LAMC3: variants seen among roughly 807,000 people sequenced by gnomAD.
The protein encoded by LAMC3 is laminin subunit gamma 3, also known as laminin subunit gamma-3.
Under a neutral mutation model 173.8 loss-of-function variants are expected in LAMC3, and 128 were observed. That is an observed-to-expected ratio of 0.74 (90% CI 0.64 to 0.85). The LOEUF (loss-of-function observed/expected upper bound fraction) is 0.85, where lower values mean the gene tolerates loss of function less well. LAMC3 is among the 40% of genes least tolerant of loss of function. LAMC3 has a pLI of 0.00. For synonymous variants in LAMC3, 897 were observed against 909.1 expected (o/e 0.99, Z 0.24); for missense variants, 2,022 against 2,156.0 (o/e 0.94, Z 1.23).
intron 3 of LAMC3, among the ~76,000 whole-genome samples, chr9:131,033,714 G>A (rs1483590232): frequency 9.9e-5 from 15 of 152,162 alleles, no homozygotes; most frequent in Admixed American, 8.5e-4. Context: ...GGCGGGAGGC[G>A]GCAGCTTGGA....
chr9:131,068,695 A>G (rs1013346237), intron 15 of LAMC3, among the ~76,000 whole-genome samples: 11 of 152,096 alleles, frequency 7.2e-5, no homozygotes, highest in African/African-American at 2.7e-4. Flanking sequence ...GTTTGTCCCC[A>G]TAGCCTTATT....
rs780155628 is a variant in LAMC3 at position 131,087,503 on chromosome 9, A to C, written c.4258A>C (p.Lys1420Gln). ...KLAKALLRER[K>Q]QAHRRASRLT... ...TGCCAAGGCCTTGCTGAGGGAGCGG[A>C]AACAGGCGCACCGCCGTGCCAGCAG... The change falls in exon 26 of 28, where the codon AAA becomes CAA. Residue 1420 changes from lysine (K) to glutamine (Q), a missense_variant. Transcript: ENST00000361069. 13 of 1,613,828 alleles carry C rather than the reference A, an allele frequency of 8.1e-6. No homozygotes were observed. In the Admixed American group the frequency reaches 2.2e-4, roughly 27 times the overall value.
At chr9:131,059,971 G>A (rs1377474148) in intron 12 of LAMC3, among the ~76,000 whole-genome samples, 1 of 152,150 alleles carries the variant, frequency 6.6e-6, no homozygotes, top group Non-Finnish European at 1.5e-5. Flanking sequence ...TGGAAGTGGT[G>A]GTCTTGGTTA....
chr9:131,032,175 G>A lies in LAMC3; in HGVS notation c.809G>A (p.Arg270Lys). Residue 270 changes from arginine to lysine, a missense_variant and splice_region_variant, in exon 3 of 28, where the codon AGG becomes AAG. Physicochemically the swap from Arg to Lys is conservative, Grantham distance 26. Coordinates refer to ENST00000361069, the MANE Select transcript of LAMC3 (RefSeq NM_006059.4). ...GTGTCCGACTTCTCTGTGGGCGGCA[G>A]GTAGGAGGGAGGAGGGAGGCAGGGT... is the stretch of plus-strand genomic sequence containing the variant. ...YAVSDFSVGG[R>K]CKCNGHASEC... is the part of the protein sequence containing the mutation. The A allele has an allele frequency of 6.2e-7, 1 of 1,606,440 alleles. No homozygotes were observed. Among genetic ancestry groups the A allele is most frequent in the Non-Finnish European group, 8.5e-7 (1 of 1,175,790 alleles).
chr9:131,070,473 G>T (rs1189961943), intron 17 of LAMC3, among the ~76,000 whole-genome samples: 1 of 152,240 alleles, frequency 6.6e-6, no homozygotes, highest in East Asian at 1.9e-4. Flanking sequence ...AGCACTTTGG[G>T]AGGCTGAGGC....
Position 131,077,339 on chromosome 9 carries a change from G to T in LAMC3, c.3777+5G>T, listed in dbSNP as rs772367233. The T allele has an allele frequency of 1.2e-6, 2 of 1,613,550 alleles. No individual in the cohort carries two copies. Among genetic ancestry groups the T allele is most frequent in the Non-Finnish European group, 1.7e-6 (2 of 1,180,008 alleles). On this transcript the variant is annotated splice_donor_5th_base_variant and intron_variant, in intron 22 of 27. Transcript: ENST00000361069. ...CTGGCTTCCCCGGGAGCTCTGGTCA[G>T]CTCAGTTGTCTCAGAGCTCCGTGTG...
intron 9 of LAMC3, 29 bp downstream of exon 9, chr9:131,049,159 C>T (rs771179342): frequency 2.4e-4 from 311 of 1,321,940 alleles, no homozygotes; most frequent in Non-Finnish European, 3.2e-4. Flanking sequence ...GGGGGCTGGC[C>T]GCCCTGTGTC....
At chr9:131,038,420 A>G (rs1205375132) in intron 4 of LAMC3, among the ~76,000 whole-genome samples, 1 of 152,190 alleles carries the variant, frequency 6.6e-6, no homozygotes, top group Non-Finnish European at 1.5e-5. Flanking sequence ...AAATGATTTA[A>G]TGGGGGAAAT....
At chr9:131,036,421 C>A in intron 4 of LAMC3, 89 bp downstream of exon 4, 1 of 1,492,584 alleles carries the variant, frequency 6.7e-7, no homozygotes, top group Non-Finnish European at 9.2e-7. Flanking sequence ...GTGGTGGGGG[C>A]TGCTCCTGGG....
chr9:131,038,939 G>A lies in LAMC3; in HGVS notation c.1052G>A (p.Arg351His), dbSNP rs1294337624. The A allele has an allele frequency of 5.0e-6, 8 of 1,612,772 alleles. No homozygotes were observed. The highest frequency in any genetic ancestry group is 2.2e-5 in the East Asian group (1 of 44,890). The change falls in exon 5 of 28, where the codon CGC (arginine) becomes CAC (histidine). Residue 351 changes from arginine (R) to histidine (H), a missense_variant. Coordinates refer to ENST00000361069, the MANE Select transcript of LAMC3 (RefSeq NM_006059.4). ...ELFRSTGHGGRCHHCRDHTAG... is the reference protein window; with the variant it reads ...ELFRSTGHGGHCHHCRDHTAG... The stretch of plus-strand genomic sequence containing the variant: ...TTCCGCAGCACAGGCCACGGCGGGC[G>A]CTGTCACCACTGCCGTGACCACACA...
intron 1 of LAMC3, among the ~76,000 whole-genome samples, chr9:131,012,062 T>C (rs5900911): frequency 0.018 from 2,536 of 138,406 alleles, 53 homozygotes; most frequent in African/African-American, 0.051. Context: ...CACACACACA[T>C]ACACACACAC....
At chr9:131,012,922 G>C (rs902674529) in intron 1 of LAMC3, among the ~76,000 whole-genome samples, 36 of 152,366 alleles carry the variant, frequency 2.4e-4, no homozygotes, top group African/African-American at 8.4e-4. Flanking sequence ...CGTCATCTCT[G>C]AGCTGAGCCT....
intron 6 of LAMC3, among the ~76,000 whole-genome samples, chr9:131,040,212 C>G (rs921137445): frequency 1.3e-5 from 2 of 151,616 alleles, no homozygotes; most frequent in Non-Finnish European, 2.9e-5. Flanking sequence ...GAGTCCTCCT[C>G]TGTCACCCAG....
intron 3 of LAMC3, among the ~76,000 whole-genome samples, chr9:131,032,621 TCTCA>T (rs1428313567): frequency 6.8e-6 from 1 of 146,712 alleles, no homozygotes. Context: ...TCTCTCTCTC[TCTCA>T]CTCTCTCTTG....
At chr9:131,022,516 C>T (rs2133220292) in intron 1 of LAMC3, among the ~76,000 whole-genome samples, 1 of 152,260 alleles carries the variant, frequency 6.6e-6, no homozygotes, top group South Asian at 2.1e-4. Context: ...TATATACACA[C>T]AGTTGTGCAG....
rs778654607 is a variant in LAMC3, at chr9:131,085,560, C to A, written c.4067C>A (p.Ala1356Glu). The A allele has an allele frequency of 6.8e-6, 11 of 1,614,036 alleles. No individual in the cohort carries two copies. The South Asian group carries it at 1.1e-4, about 16-fold the overall frequency. The change falls in exon 25 of 28, where the codon GCG (alanine) becomes GAG (glutamate). Residue 1356 changes from alanine to glutamate, a missense_variant. By Grantham distance (107) the Ala-to-Glu change is moderately radical. Coordinates refer to ENST00000361069, the MANE Select transcript of LAMC3 (RefSeq NM_006059.4). ...KLQFPRPKDQ[A>E]ALQRKADSVS... Reference sequence around the variant, plus strand: ...CAGTTTCCCCGGCCCAAGGACCAGGCGGCATTGCAGAGGAAGGCAGACTCC... The same window carrying A: ...CAGTTTCCCCGGCCCAAGGACCAGGAGGCATTGCAGAGGAAGGCAGACTCC...
At chr9:131,079,398 GAAGT>G in intron 23 of LAMC3, 100 bp downstream of exon 23, 1 of 1,439,182 alleles carries the variant, frequency 6.9e-7, no homozygotes. Flanking sequence ...GGCAGAGACA[GAAGT>G]AGCTCTGTCC....
chr9:131,039,952 A>G (rs1834017585), intron 6 of LAMC3, among the ~76,000 whole-genome samples: 1 of 151,880 alleles, frequency 6.6e-6, no homozygotes, highest in South Asian at 2.1e-4. Flanking sequence ...CTTGATTGAG[A>G]AAGTATACAA....
At chr9:131,032,004 C>T in intron 2 of LAMC3, 41 bp from the exon 3 acceptor site, 1 of 1,613,908 alleles carries the variant, frequency 6.2e-7, no homozygotes, top group Non-Finnish European at 8.5e-7. Flanking sequence ...ATACTAAATA[C>T]TCAGGAACCT....
Sources: gnomAD v4.1 joint callset for allele counts (sites outside exome capture counted in the v4.1 genomes callset) on GRCh38, gnomAD v4.1.1 for gene constraint, MANE v1.5 for transcripts, NCBI Gene and HGNC (gene_info 2026-07-23, HGNC 2026-07-21) for gene names.